Variants in RIT2 observed in about 807,000 individuals in gnomAD.
RIT2 encodes GTP-binding protein Rit2.
Under a neutral mutation model 23.7 loss-of-function variants are expected in RIT2, and 24 were observed. That is an observed-to-expected ratio of 1.01 (90% CI 0.73 to 1.43). RIT2 has a LOEUF of 1.43. RIT2 is among the 40% of genes most tolerant of loss of function. The pLI is 0.00. For missense variants in RIT2, 236 were observed against 266.9 expected (o/e 0.88, Z 0.81); for synonymous variants, 107 against 91.1 (o/e 1.17, Z -0.99).
In RIT2 at chr18:42,974,066, T is replaced by A; in HGVS notation, c.234+8A>T. The stretch of plus-strand genomic sequence containing the variant: ...CAGAGATTGGAGAGGTTTAAGAACA[T>A]CACCTACCTGGCCAGCAGTGTCCAA... On this transcript the variant is annotated splice_region_variant and intron_variant, in intron 3 of 4. Coordinates refer to ENST00000326695, the MANE Select transcript of RIT2 (RefSeq NM_002930.4). The A allele has an allele frequency of 6.2e-7, 1 of 1,603,504 alleles. No homozygotes were observed. Among genetic ancestry groups the A allele is most frequent in the Non-Finnish European group, 8.5e-7 (1 of 1,171,760 alleles).
chr18:43,081,267 G>A (rs1195310774), intron 1 of RIT2, among the ~76,000 whole-genome samples: 1 of 152,082 alleles, frequency 6.6e-6, no homozygotes, highest in African/African-American at 2.4e-5. Flanking sequence ...TGCTGCTTAT[G>A]TTACAACACT....
At chr18:43,013,414 C>T (rs1257869985) in intron 2 of RIT2, among the ~76,000 whole-genome samples, 2 of 151,762 alleles carry the variant, frequency 1.3e-5, no homozygotes, top group African/African-American at 4.8e-5. Context: ...CTGAGAATTA[C>T]TGCTCCTGCA....
At chr18:42,906,253 T>C (rs895519731) in intron 4 of RIT2, among the ~76,000 whole-genome samples, 6 of 151,962 alleles carry the variant, frequency 3.9e-5, no homozygotes, top group Non-Finnish European at 7.4e-5. Flanking sequence ...ATTTGCCATA[T>C]GGCAGCAACA....
intron 4 of RIT2, among the ~76,000 whole-genome samples, chr18:42,770,683 T>G (rs925876370): frequency 6.6e-6 from 1 of 152,166 alleles, no homozygotes; most frequent in South Asian, 2.1e-4. Context: ...AATTTTCTAC[T>G]TTTGCATGCC....
In RIT2 at chr18:42,899,195, T is replaced by G. The variant is rs552633205; in HGVS notation, c.426+24377A>C. Among the ~76,000 whole-genome samples the G allele has an allele frequency of 2.0e-5, 3 of 151,838 alleles. No individual in the cohort carries two copies. In the South Asian group the frequency reaches 6.3e-4, roughly 32 times the overall value. On this transcript the variant is annotated intron_variant, in intron 4 of 4. Transcript: ENST00000326695. ...TGACCTCAATAATTGAATCATCTTA[T>G]TTTTCAACTACATTGAATGTTGTCA...
intron 4 of RIT2, among the ~76,000 whole-genome samples, chr18:42,777,956 T>C (rs1276340938): frequency 1.3e-5 from 2 of 152,194 alleles, no homozygotes; most frequent in African/African-American, 2.4e-5. Flanking sequence ...ACTTGCAACA[T>C]AGTAACTCCA....
intron 1 of RIT2, among the ~76,000 whole-genome samples, chr18:43,068,225 T>C (rs1316864249): frequency 6.6e-6 from 1 of 152,142 alleles, no homozygotes. Context: ...AGGCTCACAA[T>C]AAATCTATGG....
chr18:42,923,801 C>A, intron 3 of RIT2, 38 bp from the exon 4 acceptor site: 1 of 1,470,582 alleles, frequency 6.8e-7, no homozygotes, highest in Non-Finnish European at 9.3e-7. Flanking sequence ...TATGGGCTTT[C>A]AATATAGCTA....
rs145937011 is a variant in RIT2 at position 42,934,110 on chromosome 18, G to A, written c.235-10347C>T. Among the ~76,000 whole-genome samples, 335 of 151,566 alleles carry A rather than the reference G, an allele frequency of 2.2e-3. 2 individuals are homozygous for A. The highest frequency in any genetic ancestry group is 7.6e-3 in the African/African-American group (315 of 41,304). ...CAGGTATGTCTTTATTAGCAGCATGGGAACAGACTAATCTGCCTTGCATCC... is the reference window on the plus strand; with the variant it reads ...CAGGTATGTCTTTATTAGCAGCATGAGAACAGACTAATCTGCCTTGCATCC... On this transcript the variant is annotated intron_variant, in intron 3 of 4. Transcript: ENST00000326695.
Position 42,818,603 on chromosome 18 carries a change from G to A in RIT2, c.427-74883C>T, listed in dbSNP as rs763123736. 2.0e-5 allele frequency among the ~76,000 whole-genome samples: 3 copies of A among 151,946 alleles called. No homozygotes were observed. In the South Asian group the frequency reaches 6.2e-4, roughly 31 times the overall value. On this transcript the variant is annotated intron_variant, in intron 4 of 4. Transcript: ENST00000326695. ...GTTGCTATAAGCATTAATGGATCAC[G>A]TTCACTTAGCTGAGTATATCAAGAA...
At chr18:42,907,786 G>T (rs1908661266) in intron 4 of RIT2, among the ~76,000 whole-genome samples, 2 of 152,090 alleles carry the variant, frequency 1.3e-5, no homozygotes, top group Admixed American at 1.3e-4. Flanking sequence ...TTCCAGACCA[G>T]CCTGGGTAAT....
chr18:43,039,129 A>G (rs1255909511), intron 1 of RIT2, among the ~76,000 whole-genome samples: 2 of 152,156 alleles, frequency 1.3e-5, no homozygotes, highest in African/African-American at 4.8e-5. Flanking sequence ...CAAGGACATT[A>G]TCACTGCTGT....
intron 4 of RIT2, among the ~76,000 whole-genome samples, chr18:42,823,115 A>G (rs944119073): frequency 6.6e-6 from 1 of 152,132 alleles, no homozygotes; most frequent in African/African-American, 2.4e-5. Flanking sequence ...AGAGCCTCAA[A>G]TCAGATAACT....
At chr18:42,853,921 CTT>C (rs1907119303) in intron 4 of RIT2, among the ~76,000 whole-genome samples, 1 of 152,154 alleles carries the variant, frequency 6.6e-6, no homozygotes, top group African/African-American at 2.4e-5. Context: ...TCAAATAAAA[CTT>C]ATTTTCAACT....
At chr18:43,099,225 C>A (rs1301862447) in intron 1 of RIT2, among the ~76,000 whole-genome samples, 3 of 151,964 alleles carry the variant, frequency 2.0e-5, no homozygotes, top group Non-Finnish European at 4.4e-5. Flanking sequence ...AGAATGATGG[C>A]TGGAAAGCTA....
chr18:42,772,432 T>A (rs1024736288), intron 4 of RIT2, among the ~76,000 whole-genome samples: 1 of 151,942 alleles, frequency 6.6e-6, no homozygotes, highest in African/African-American at 2.4e-5. Flanking sequence ...CAGCAGTGCC[T>A]TCAACCCTCC....
chr18:42,910,295 G>A (rs1316965038), intron 4 of RIT2, among the ~76,000 whole-genome samples: 3 of 152,062 alleles, frequency 2.0e-5, no homozygotes, highest in Non-Finnish European at 2.9e-5. Flanking sequence ...TTAAAAGGTA[G>A]TGATTTGCAT....
At chr18:42,852,435 C>G (rs1907078845) in intron 4 of RIT2, among the ~76,000 whole-genome samples, 1 of 152,142 alleles carries the variant, frequency 6.6e-6, no homozygotes, top group African/African-American at 2.4e-5. Context: ...TACTGTTGAA[C>G]TGATGTGTCT....
chr18:42,982,553 T>C (rs2144215679), intron 2 of RIT2, among the ~76,000 whole-genome samples: 1 of 152,288 alleles, frequency 6.6e-6, no homozygotes, highest in African/African-American at 2.4e-5. Context: ...ATACTTAATG[T>C]CCAAATAAAA....
Sources: allele counts gnomAD v4.1 joint callset (sites outside exome capture counted in the v4.1 genomes callset), GRCh38; gene constraint gnomAD v4.1.1; transcripts MANE v1.5; gene names NCBI Gene and HGNC (gene_info 2026-07-23, HGNC 2026-07-21).